RPTOR: variants seen among roughly 807,000 people sequenced by gnomAD.
RPTOR encodes the protein regulatory associated protein of MTOR complex 1, also known as regulatory-associated protein of mTOR.
RPTOR carries 21 observed loss-of-function variants against 169.9 expected under a neutral mutation model. That is an observed-to-expected ratio of 0.12 (90% CI 0.09 to 0.18). The LOEUF is 0.18. RPTOR is among the 10% of genes least tolerant of loss of function. The pLI, the probability that RPTOR is intolerant of heterozygous loss-of-function variation, is 1.00. For synonymous variants in RPTOR, 732 were observed against 753.2 expected (o/e 0.97, Z 0.46); for missense variants, 1,133 against 1,855.9 (o/e 0.61, Z 7.16).
intron 20 of RPTOR, among the ~76,000 whole-genome samples, chr17:80,901,169 A>T (rs745725696): frequency 5.3e-5 from 8 of 150,612 alleles, no homozygotes; most frequent in Non-Finnish European, 5.9e-5. Context: ...TGCCGTTGTT[A>T]TCCTCGGTAC....
intron 1 of RPTOR, among the ~76,000 whole-genome samples, chr17:80,595,459 GT>G (rs34881395): frequency 0.19 from 28,278 of 152,106 alleles, 2,953 homozygotes; most frequent in East Asian, 0.27. Flanking sequence ...AGCAGACAGG[GT>G]TTTTCCCCCC....
intron 18 of RPTOR, among the ~76,000 whole-genome samples, chr17:80,892,181 T>C (rs1487139005): frequency 1.3e-5 from 2 of 152,138 alleles, no homozygotes; most frequent in East Asian, 3.9e-4. Flanking sequence ...TGCTCTTGGC[T>C]CCGTGGCTCG....
intron 7 of RPTOR, among the ~76,000 whole-genome samples, chr17:80,817,462 G>C (rs1004083804): frequency 2.6e-5 from 4 of 152,050 alleles, no homozygotes; most frequent in African/African-American, 9.7e-5. Flanking sequence ...AGGCGCCCCC[G>C]AGAATCCAGG....
chr17:80,839,684 G>C (rs1048566629), intron 10 of RPTOR, among the ~76,000 whole-genome samples: 1 of 152,168 alleles, frequency 6.6e-6, no homozygotes, highest in Non-Finnish European at 1.5e-5. Flanking sequence ...GAAGAGCTCT[G>C]GGCCTGTTGC....
At chr17:80,704,455 C>T (rs932217209) in intron 3 of RPTOR, among the ~76,000 whole-genome samples, 1 of 152,116 alleles carries the variant, frequency 6.6e-6, no homozygotes, top group Non-Finnish European at 1.5e-5. Context: ...CCATCATTTT[C>T]GTAAGTCTTA....
At chr17:80,639,354 T>C (rs2065534072) in intron 2 of RPTOR, among the ~76,000 whole-genome samples, 1 of 151,722 alleles carries the variant, frequency 6.6e-6, no homozygotes, top group Non-Finnish European at 1.5e-5. Flanking sequence ...GAGCAGTGAG[T>C]GCTGGATGGG....
At chr17:80,580,421 T>G (rs890387713) in intron 1 of RPTOR, among the ~76,000 whole-genome samples, 4 of 152,248 alleles carry the variant, frequency 2.6e-5, no homozygotes, top group African/African-American at 7.2e-5. Context: ...CTGGCTCGGC[T>G]GCCAGCCCTG....
intron 3 of RPTOR, among the ~76,000 whole-genome samples, chr17:80,672,969 C>A (rs1164033769): frequency 6.6e-6 from 1 of 152,036 alleles, no homozygotes; most frequent in African/African-American, 2.4e-5. Flanking sequence ...TTCTGTCACC[C>A]AGGCTGGAGT....
Position 80,695,877 on chromosome 17 carries a change from G to A in RPTOR, c.349-11964G>A, listed in dbSNP as rs1397399699. Among the ~76,000 whole-genome samples the A allele has an allele frequency of 6.6e-6, 1 of 152,224 alleles. No individual in the cohort carries two copies. The highest frequency in any genetic ancestry group is 6.5e-5 in the Admixed American group (1 of 15,290). On this transcript the variant is annotated intron_variant, in intron 3 of 33. Transcript: ENST00000306801. The surrounding 1 kb of genome is among the most constrained non-coding windows in gnomAD (Gnocchi z 4.9). ...CCGCAGACCACTTTTGCCCTGCATG[G>A]CCTCGTGGCTGCCTTTTCTACCTGC...
chr17:80,962,356 G>A (rs1355381130), intron 31 of RPTOR, 105 bp from the exon 32 acceptor site: 12 of 874,532 alleles, frequency 1.4e-5, no homozygotes, highest in Non-Finnish European at 2.0e-5. Flanking sequence ...AGCAGTGTGT[G>A]TGCAAACAGG....
intron 14 of RPTOR, among the ~76,000 whole-genome samples, chr17:80,882,064 G>C (rs1253399576): frequency 6.6e-6 from 1 of 152,170 alleles, no homozygotes; most frequent in Non-Finnish European, 1.5e-5. Flanking sequence ...GAAAACTCTG[G>C]AGATGAATTA....
rs990831636 is a variant in RPTOR, at chr17:80,878,931, C to G, written c.1510-1484C>G. Among the ~76,000 whole-genome samples the G allele has an allele frequency of 6.6e-6, 1 of 152,170 alleles. No homozygotes were observed. The highest frequency in any genetic ancestry group is 2.4e-5 in the African/African-American group (1 of 41,440). On this transcript the variant is annotated intron_variant, in intron 13 of 33. Coordinates refer to ENST00000306801, the MANE Select transcript of RPTOR (RefSeq NM_020761.3). This position sits in a 1 kb window ranked among gnomAD's most constrained non-coding sequence, Gnocchi z 4.1. ...TCCTCCAGGACGCCCACAGGACCCT[C>G]GGAAGCCCCTTCCTCTAGGGGCCCG...
At chr17:80,875,684 C>T (rs549214467) in intron 13 of RPTOR, among the ~76,000 whole-genome samples, 4 of 152,126 alleles carry the variant, frequency 2.6e-5, no homozygotes, top group African/African-American at 9.6e-5. Flanking sequence ...CAAGCCCCTC[C>T]GCCCAGGATG....
At chr17:80,635,410 C>A (rs2065498108) in intron 2 of RPTOR, among the ~76,000 whole-genome samples, 1 of 152,170 alleles carries the variant, frequency 6.6e-6, no homozygotes, top group African/African-American at 2.4e-5. Flanking sequence ...TTAGCATTTT[C>A]AACAAGTGCT....
chr17:80,904,926 T>TC (rs1567979150), intron 20 of RPTOR, among the ~76,000 whole-genome samples: 1 of 152,180 alleles, frequency 6.6e-6, no homozygotes, highest in African/African-American at 2.4e-5. Context: ...GATTTTTTTT[T>TC]CCCCTGTTGA....
At chr17:80,615,553 C>G (rs1025853155) in intron 1 of RPTOR, among the ~76,000 whole-genome samples, 1 of 152,132 alleles carries the variant, frequency 6.6e-6, no homozygotes, top group Non-Finnish European at 1.5e-5. Flanking sequence ...TCTTAATGGA[C>G]GGCTTATTAC....
chr17:80,719,494 G>C (rs375345426), intron 4 of RPTOR, among the ~76,000 whole-genome samples: 1 of 152,116 alleles, frequency 6.6e-6, no homozygotes, highest in Non-Finnish European at 1.5e-5. Flanking sequence ...CTCAGGGCTC[G>C]TTCCTGTAAA....
intron 7 of RPTOR, chr17:80,801,900 G>T (rs1190351544): frequency 1.3e-5 from 2 of 152,200 alleles, no homozygotes; most frequent in Non-Finnish European, 2.9e-5. Flanking sequence ...CAGCGTTCCC[G>T]TGCGCGCCAC....
At chr17:80,816,469 C>T (rs997419652) in intron 7 of RPTOR, among the ~76,000 whole-genome samples, 2 of 152,194 alleles carry the variant, frequency 1.3e-5, no homozygotes, top group Non-Finnish European at 2.9e-5. Context: ...ACACACGTTC[C>T]GCTTGAGCTG....
Sources: gnomAD v4.1 joint callset for allele counts (sites outside exome capture counted in the v4.1 genomes callset) on GRCh38, gnomAD v4.1.1 for gene constraint, Gnocchi (gnomAD v3.1) non-coding constraint, MANE v1.5 for transcripts, NCBI Gene and HGNC (gene_info 2026-07-23, HGNC 2026-07-21) for gene names.